Variants in BBS7 observed in about 807,000 individuals in gnomAD.
BBS7 encodes Bardet-Biedl syndrome 7.
In BBS7, 50 loss-of-function variants were observed where a neutral mutation model predicts 90.3. The observed-to-expected ratio is 0.55, with a 90% CI of 0.44 to 0.70. The LOEUF is 0.70. BBS7 is among the 30% of genes least tolerant of loss of function. The pLI is 0.00. For missense variants in BBS7, 729 were observed against 838.9 expected (o/e 0.87, Z 1.62); for synonymous variants, 235 against 287.4 (o/e 0.82, Z 1.85).
intron 1 of BBS7, 40 bp downstream of exon 1, chr4:121,870,238 G>A: frequency 2.5e-6 from 4 of 1,613,214 alleles, no homozygotes; most frequent in Non-Finnish European, 3.4e-6. Flanking sequence ...CGGGTGCTGG[G>A]CTTGCCCAGC....
chr4:121,864,821 T>C (rs564519269), intron 2 of BBS7, among the ~76,000 whole-genome samples: 6 of 152,318 alleles, frequency 3.9e-5, no homozygotes, highest in African/African-American at 1.2e-4. Context: ...TAGCAATGTT[T>C]CAATACATAT....
Position 121,835,282 on chromosome 4 carries a change from A to G in BBS7, c.1373T>C (p.Ile458Thr). The change falls in exon 14 of 19, where the codon ATT becomes ACT. Residue 458 changes from isoleucine (I) to threonine (T), a missense_variant and splice_region_variant. By Grantham distance (89) the Ile-to-Thr change is moderately conservative. Transcript: ENST00000264499. ...GCCATACTGGCCTTCAATTGAGCGA[A>G]TCTGATTCAACACAAAAGAGGAAAT... ...QADTTRLELK[I>T]RSIEGQYGTL... 11 of 1,613,718 alleles carry G rather than the reference A, an allele frequency of 6.8e-6. No individual in the cohort carries two copies. Among genetic ancestry groups the G allele is most frequent in the Non-Finnish European group, 9.3e-6 (11 of 1,179,740 alleles).
rs938987865 is a variant in BBS7, at chr4:121,825,014, A to T, written c.*846T>A. On this transcript the variant is annotated 3_prime_UTR_variant, in exon 19 of 19. Coordinates refer to ENST00000264499, the MANE Select transcript of BBS7 (RefSeq NM_176824.3). Reference sequence around the variant, plus strand: ...CTGTAGCCTTAATGTCATATATGATAAAAAGAGATCTAGAAGATACTAGTG... The same window carrying T: ...CTGTAGCCTTAATGTCATATATGATTAAAAGAGATCTAGAAGATACTAGTG... 3.3e-5 allele frequency: 5 copies of T among 152,186 alleles called. No homozygotes were observed. Among genetic ancestry groups the T allele is most frequent in the African/African-American group, 1.2e-4 (5 of 41,440 alleles). 9.4% of individuals were successfully genotyped at this position (152,186 alleles called of 1,614,324 possible).
intron 14 of BBS7, among the ~76,000 whole-genome samples, chr4:121,834,078 C>T (rs964093031): frequency 6.6e-6 from 1 of 151,914 alleles, no homozygotes; most frequent in Non-Finnish European, 1.5e-5. Context: ...TGCAAAAGCA[C>T]ACCCTAAAGT....
intron 4 of BBS7, among the ~76,000 whole-genome samples, chr4:121,859,545 G>C (rs543110682): frequency 6.6e-6 from 1 of 152,128 alleles, no homozygotes; most frequent in East Asian, 1.9e-4. Context: ...TTATGTATTA[G>C]ATCAATTAAT....
At chr4:121,861,388 TTTAG>T (rs1310047508) in intron 4 of BBS7, 112 bp downstream of exon 4, 2 of 983,340 alleles carry the variant, frequency 2.0e-6, no homozygotes, top group Admixed American at 2.8e-5. Flanking sequence ...ATAAAATACC[TTTAG>T]TTAATTTTAT....
chr4:121,858,943 T>A (rs748492947), intron 5 of BBS7, 49 bp downstream of exon 5: 2 of 1,531,988 alleles, frequency 1.3e-6, no homozygotes, highest in East Asian at 4.5e-5. Context: ...TGTTCATTGA[T>A]ATTCTTTCAC....
At chr4:121,831,008 C>T (rs2149051425) in intron 15 of BBS7, among the ~76,000 whole-genome samples, 1 of 151,870 alleles carries the variant, frequency 6.6e-6, no homozygotes, top group East Asian at 2.0e-4. Context: ...GAGATCAAGA[C>T]CATCCTGGCC....
intron 5 of BBS7, among the ~76,000 whole-genome samples, chr4:121,856,045 T>G (rs1287426274): frequency 2.0e-5 from 3 of 152,190 alleles, no homozygotes; most frequent in Admixed American, 2.0e-4. Context: ...AAATACATTG[T>G]TTGCCTGAAA....
Position 121,835,302 on chromosome 4 carries a change from G to C in BBS7, c.1372-19C>G, listed in dbSNP as rs1725398365. On this transcript the variant is annotated intron_variant, in intron 13 of 18. Coordinates refer to ENST00000264499, the MANE Select transcript of BBS7 (RefSeq NM_176824.3). ...AGCGAATCTGATTCAACACAAAAGA[G>C]GAAATAAAATAAGAATATTTAGCAA... The C allele has an allele frequency of 1.9e-6, 3 of 1,612,774 alleles. No individual in the cohort carries two copies. Among genetic ancestry groups the C allele is most frequent in the Non-Finnish European group, 1.7e-6 (2 of 1,179,146 alleles).
At chr4:121,828,532 AGATAAATC>A in intron 16 of BBS7, 27 bp from the exon 17 acceptor site, 1 of 1,576,062 alleles carries the variant, frequency 6.3e-7, no homozygotes, top group East Asian at 2.2e-5. Flanking sequence ...AGATGCAGTT[AGATAAATC>A]ACTTTGATCA....
intron 18 of BBS7, chr4:121,827,728 A>T (rs775535228): frequency 2.7e-5 from 24 of 886,256 alleles, no homozygotes; most frequent in Non-Finnish European, 3.1e-5. Flanking sequence ...CAACACAAAT[A>T]CTGTATATCC....
chr4:121,849,010 C>A (rs2149072737), intron 8 of BBS7, 82 bp from the exon 9 acceptor site: 1 of 1,032,008 alleles, frequency 9.7e-7, no homozygotes, highest in African/African-American at 1.6e-5. Flanking sequence ...AACGTTTTCC[C>A]TGGCTCCAGA....
chr4:121,854,966 C>A (rs1169990691), intron 6 of BBS7, 146 bp from the exon 7 acceptor site: 1 of 771,380 alleles, frequency 1.3e-6, no homozygotes, highest in African/African-American at 1.8e-5. Context: ...TATATATTCA[C>A]ACAATTTTAT....
chr4:121,831,193 G>T (rs974300404), intron 15 of BBS7, among the ~76,000 whole-genome samples: 5 of 152,062 alleles, frequency 3.3e-5, no homozygotes, highest in African/African-American at 1.2e-4. Context: ...AACAAAGCAA[G>T]ACTCTGTCTC....
chr4:121,826,066 T>C lies in BBS7; in HGVS notation c.2015-73A>G, dbSNP rs1724893077. On this transcript the variant is annotated intron_variant, in intron 18 of 18. Coordinates refer to ENST00000264499, the MANE Select transcript of BBS7 (RefSeq NM_176824.3). Reference sequence around the variant, plus strand: ...ATGACACAGTATTTCACTAAAGTAATTGCTTGATAATCTATTTTTAAGCAC... The same window carrying C: ...ATGACACAGTATTTCACTAAAGTAACTGCTTGATAATCTATTTTTAAGCAC... The C allele has an allele frequency of 5.6e-6, 7 of 1,256,812 alleles. No individual in the cohort carries two copies. The Admixed American group carries it at 1.4e-4, about 25-fold the overall frequency. 77.9% of individuals were successfully genotyped at this position (1,256,812 alleles called of 1,614,324 possible). A position where few individuals can be genotyped will look rare whatever the true frequency, so the allele number is the denominator to read the frequency against.
intron 4 of BBS7, among the ~76,000 whole-genome samples, chr4:121,860,999 T>C (rs1726943043): frequency 6.6e-6 from 1 of 152,232 alleles, no homozygotes; most frequent in Non-Finnish European, 1.5e-5. Flanking sequence ...AGATGAATTT[T>C]AAAGCCCTTT....
chr4:121,848,990 T>C, intron 8 of BBS7, 62 bp from the exon 9 acceptor site: 1 of 1,265,258 alleles, frequency 7.9e-7, no homozygotes, highest in Non-Finnish European at 1.2e-6. Context: ...TATATTAAAA[T>C]AAGCCACACA....
chr4:121,832,783 TGGGTAG>T (rs1419700689), intron 15 of BBS7, among the ~76,000 whole-genome samples: 1 of 152,230 alleles, frequency 6.6e-6, no homozygotes, highest in East Asian at 1.9e-4. Context: ...CAAATCAATT[TGGGTAG>T]GACTGTCATC....
Sources: allele counts gnomAD v4.1 joint callset (sites outside exome capture counted in the v4.1 genomes callset), GRCh38; gene constraint gnomAD v4.1.1; transcripts MANE v1.5; gene names NCBI Gene and HGNC (gene_info 2026-07-23, HGNC 2026-07-21).